UMOD: variants seen among roughly 807,000 people sequenced by gnomAD.
UMOD encodes the protein uromodulin, also known as Tamm-Horsfall urinary glycoprotein.
In UMOD, 64 loss-of-function variants were observed where a neutral mutation model predicts 66.0. The ratio of observed to expected loss-of-function variants is 0.97; its 90% CI spans 0.79 to 1.19. The LOEUF (loss-of-function observed/expected upper bound fraction) is 1.19. Ranked by LOEUF, UMOD falls within the 50% of genes most tolerant of loss-of-function variation. The pLI, the probability that UMOD is intolerant of heterozygous loss-of-function variation, is 0.00. For missense variants in UMOD, 764 were observed against 850.9 expected (o/e 0.90, Z 1.27); for synonymous variants, 398 against 352.7 (o/e 1.13, Z -1.44).
chr16:20,353,284 C>A (rs1965971409), upstream of UMOD, among the ~76,000 whole-genome samples: 1 of 152,124 alleles, frequency 6.6e-6, no homozygotes, highest in African/African-American at 2.4e-5. Flanking sequence ...CTGGACCTGA[C>A]CCACTCTGTA....
chr16:20,337,207 C>T, intron 8 of UMOD, 84 bp downstream of exon 8: 1 of 1,551,700 alleles, frequency 6.4e-7, no homozygotes. Context: ...AAGAGGGAAA[C>T]AGGGAAGAAA....
intron 10 of UMOD, among the ~76,000 whole-genome samples, chr16:20,333,848 C>A (rs1227296013): frequency 1.3e-5 from 2 of 152,066 alleles, no homozygotes; most frequent in Non-Finnish European, 2.9e-5. Flanking sequence ...AGCCTGGCCA[C>A]ACGGAGAAAC....
chr16:20,349,591 C>G, intron 2 of UMOD: 1 of 1,334,180 alleles, frequency 7.5e-7, no homozygotes, highest in Non-Finnish European at 9.9e-7. Context: ...GTTGGGACCA[C>G]AGGCACGTGC....
chr16:20,336,569 GC>G, intron 9 of UMOD, 76 bp downstream of exon 9: 1 of 1,408,356 alleles, frequency 7.1e-7, no homozygotes, highest in Non-Finnish European at 1.0e-6. Context: ...GTGCCAAGGT[GC>G]CAGGCTCTGT....
chr16:20,353,085 A>G (rs1399312217), upstream of UMOD, among the ~76,000 whole-genome samples: 2 of 152,202 alleles, frequency 1.3e-5, no homozygotes, highest in South Asian at 4.1e-4. Flanking sequence ...GGCAGAAGCC[A>G]GTATCTGAAG....
rs981824126 is a variant in UMOD, at chr16:20,350,525, A to G, written c.88+125T>C. ...AAGAAATGGACTTAGAATGAAGACA[A>G]TGCAAGTCTCAAGTGCGATAGGAGG... is the stretch of plus-strand genomic sequence containing the variant. On this transcript the variant is annotated intron_variant, in intron 2 of 10. Coordinates refer to ENST00000396138, the MANE Select transcript of UMOD (RefSeq NM_003361.4). 66 of 1,238,930 alleles carry G rather than the reference A, an allele frequency of 5.3e-5. No individual in the cohort carries two copies. In the African/African-American group the frequency reaches 6.5e-4, roughly 12 times the overall value. The allele number at this position is 1,238,930 out of a possible 1,614,324, so 76.7% of individuals were successfully genotyped here.
Position 20,341,354 on chromosome 16 carries a change from T to G in UMOD, c.1332-18A>C. 1 of 1,612,374 alleles carries G rather than the reference T, an allele frequency of 6.2e-7. No individual in the cohort carries two copies. Among genetic ancestry groups the G allele is most frequent in the Non-Finnish European group, 8.5e-7 (1 of 1,179,968 alleles). Reference sequence around the variant, plus strand: ...TTAGAGCACTGCCAGGGGAGAAGGGTTGGTGAGAGGACCGGGCTGAGAACA... The same window carrying G: ...TTAGAGCACTGCCAGGGGAGAAGGGGTGGTGAGAGGACCGGGCTGAGAACA... On this transcript the variant is annotated intron_variant, in intron 6 of 10. Transcript: ENST00000396138.
intron 6 of UMOD, 112 bp downstream of exon 6, chr16:20,343,912 T>A (rs1965378323): frequency 1.5e-6 from 2 of 1,347,636 alleles, no homozygotes. Flanking sequence ...CAACCCTGAT[T>A]CCCAGCCCTC....
At position 20,337,305 on chromosome 16, in the gene UMOD, C is replaced by A. The variant is rs1304891585; in HGVS notation, c.1726G>T (p.Glu576Ter). 3 of 1,614,176 alleles carry A rather than the reference C, an allele frequency of 1.9e-6. No individual in the cohort carries two copies. The highest frequency in any genetic ancestry group is 2.5e-6 in the Non-Finnish European group (3 of 1,180,030). The change falls in exon 8 of 11, where the codon GAA becomes TAA. Residue 576 changes from glutamate to a stop codon, truncating the protein, a stop_gained. Coordinates refer to ENST00000396138, the MANE Select transcript of UMOD (RefSeq NM_003361.4). LOFTEE classifies it high-confidence loss of function. Reference sequence around the variant, plus strand: ...AGTCAACTCACAGGCTTGCACTTTTCATTCATGGTGTCACAGAGATAGACT... The same window carrying A: ...AGTCAACTCACAGGCTTGCACTTTTAATTCATGGTGTCACAGAGATAGACT... Reference protein sequence around the residue: ...CEVYLCDTMNEKCKPTCSGTR... With the variant: ...CEVYLCDTMN
chr16:20,354,010 G>T (rs1965989612), upstream of UMOD, among the ~76,000 whole-genome samples: 1 of 151,734 alleles, frequency 6.6e-6, no homozygotes, highest in Non-Finnish European at 1.5e-5. Flanking sequence ...TGCGGTGTTT[G>T]GTTTTTTGTC....
At chr16:20,349,858 T>A in intron 2 of UMOD, 2 of 1,543,876 alleles carry the variant, frequency 1.3e-6, no homozygotes, top group East Asian at 4.9e-5. Flanking sequence ...GCTGGGCAGT[T>A]GTACTTTGTT....
rs1031279975 is a variant in UMOD, at chr16:20,335,368, G to A, written c.1861+114C>T. On this transcript the variant is annotated intron_variant, in intron 10 of 10. Coordinates refer to ENST00000396138, the MANE Select transcript of UMOD (RefSeq NM_003361.4). ...GAGCCACTCTCCTTATTTAGAAAACGGAACTAGTAACACCTCCCTTATAGA... is the reference window on the plus strand; with the variant it reads ...GAGCCACTCTCCTTATTTAGAAAACAGAACTAGTAACACCTCCCTTATAGA... 9.0e-5 allele frequency: 97 copies of A among 1,075,838 alleles called. 1 individual carries two copies. The highest frequency in any genetic ancestry group is 2.2e-4 in the African/African-American group (14 of 63,588). The allele number at this position is 1,075,838 out of a possible 1,614,324, so 66.6% of individuals were successfully genotyped here.
chr16:20,354,715 C>A (rs1966005801), upstream of UMOD, among the ~76,000 whole-genome samples: 2 of 152,058 alleles, frequency 1.3e-5, no homozygotes, highest in Admixed American at 1.3e-4. Context: ...AGTGTAATCA[C>A]CATGCTTTCT....
chr16:20,344,762 C>G (rs919237622), intron 5 of UMOD, among the ~76,000 whole-genome samples: 3 of 152,132 alleles, frequency 2.0e-5, no homozygotes, highest in Non-Finnish European at 4.4e-5. Context: ...TGGAATACCC[C>G]TCCTGAGTCA....
intron 1 of UMOD, 142 bp downstream of exon 1, chr16:20,352,547 A>T (rs1965949446): frequency 2.0e-6 from 1 of 504,946 alleles, no homozygotes; most frequent in Non-Finnish European, 3.1e-6. Flanking sequence ...CTTACTAAAG[A>T]TCATGAAGCC....
rs755870172 is a variant in UMOD, at chr16:20,348,269, A to C, written c.927T>G (p.Asn309Lys). 2 of 1,614,142 alleles carry C rather than the reference A, an allele frequency of 1.2e-6. No homozygotes were observed. Among genetic ancestry groups the C allele is most frequent in the Non-Finnish European group, 1.7e-6 (2 of 1,180,032 alleles). Reference sequence around the variant, plus strand: ...TGCACTGGCAGTGCCATCTGCCATTATTCGATTTGCAGTCCTCGTCTATAC... The same window carrying C: ...TGCACTGGCAGTGCCATCTGCCATTCTTCGATTTGCAGTCCTCGTCTATAC... ...ECSIDEDCKSNNGRWHCQCKQ... is the reference protein window; with the variant it reads ...ECSIDEDCKSKNGRWHCQCKQ... Residue 309 changes from asparagine to lysine, a missense_variant, in exon 4 of 11, where the codon AAT becomes AAG. Transcript: ENST00000396138.
intron 10 of UMOD, among the ~76,000 whole-genome samples, chr16:20,334,922 C>A (rs534864810): frequency 1.3e-5 from 2 of 151,722 alleles, no homozygotes; most frequent in African/African-American, 2.4e-5. Context: ...ACCTCTGCCC[C>A]CCGTGGTTCA....
At chr16:20,353,109 G>A (rs1965967640), upstream of UMOD, among the ~76,000 whole-genome samples, 1 of 152,182 alleles carries the variant, frequency 6.6e-6, no homozygotes, top group Non-Finnish European at 1.5e-5. Context: ...GGCTGCATAA[G>A]GACAAAAGGG....
In UMOD at chr16:20,348,245, G is replaced by A. The variant is rs780733403; in HGVS notation, c.951C>T (p.Cys317=). The change falls in exon 4 of 11, where the codon TGC becomes TGT. Residue 317 remains cysteine, a synonymous_variant. Coordinates refer to ENST00000396138, the MANE Select transcript of UMOD (RefSeq NM_003361.4). ...KSNNGRWHCQ[C]KQDFNITDIS... Reference sequence around the variant, plus strand: ...CACCAGTGATGTTGAAGTCCTGTTTGCACTGGCAGTGCCATCTGCCATTAT... The same window carrying A: ...CACCAGTGATGTTGAAGTCCTGTTTACACTGGCAGTGCCATCTGCCATTAT... The A allele has an allele frequency of 1.1e-5, 18 of 1,613,888 alleles. No individual in the cohort carries two copies. Among genetic ancestry groups the A allele is most frequent in the Admixed American group, 1.0e-4 (6 of 60,014 alleles).
Sources: gnomAD v4.1 joint callset for allele counts (sites outside exome capture counted in the v4.1 genomes callset) on GRCh38, gnomAD v4.1.1 for gene constraint, MANE v1.5 for transcripts, NCBI Gene and HGNC (gene_info 2026-07-23, HGNC 2026-07-21) for gene names.